Variants in PHLPP2 observed in about 807,000 individuals in gnomAD.
PHLPP2 encodes the protein PH domain and leucine rich repeat protein phosphatase 2, also known as PH domain leucine-rich repeat-containing protein phosphatase 2.
PHLPP2 carries 66 observed loss-of-function variants against 124.9 expected under a neutral mutation model. The ratio of observed to expected loss-of-function variants is 0.53; its 90% CI spans 0.43 to 0.65. The LOEUF (loss-of-function observed/expected upper bound fraction) is 0.65. Ranked by LOEUF, PHLPP2 falls within the 30% of genes least tolerant of loss-of-function variation. The pLI is 0.00. For synonymous variants in PHLPP2, 681 were observed against 624.7 expected, an observed-to-expected ratio of 1.09 and a Z score of -1.34; for missense variants, 1,685 against 1,600.4, an observed-to-expected ratio of 1.05 and a Z score of -0.90.
At chr16:71,658,508 G>C (rs2044760586) in intron 14 of PHLPP2, 145 bp from the exon 15 acceptor site, 1 of 1,166,924 alleles carries the variant, frequency 8.6e-7, no homozygotes, top group East Asian at 2.4e-5. Flanking sequence ...TCCCAAACTG[G>C]AGCACATAAG....
intron 1 of PHLPP2, among the ~76,000 whole-genome samples, chr16:71,715,896 T>C (rs9924829): frequency 0.037 from 5,546 of 149,124 alleles, 350 homozygotes; most frequent in African/African-American, 0.13. Context: ...CTTGGGAGGC[T>C]GAGGTAGGAG....
chr16:71,687,342 G>C (rs566193705), intron 4 of PHLPP2, among the ~76,000 whole-genome samples: 1 of 152,054 alleles, frequency 6.6e-6, no homozygotes, highest in Non-Finnish European at 1.5e-5. Flanking sequence ...TCATATAAAT[G>C]TCTCATATGC....
At chr16:71,714,267 T>C (rs1388419563) in intron 2 of PHLPP2, among the ~76,000 whole-genome samples, 1 of 152,162 alleles carries the variant, frequency 6.6e-6, no homozygotes, top group Non-Finnish European at 1.5e-5. Flanking sequence ...AAAATACTTA[T>C]TTTTAAATTT....
chr16:71,651,665 T>C (rs1375249472), intron 18 of PHLPP2, among the ~76,000 whole-genome samples: 2 of 152,208 alleles, frequency 1.3e-5, no homozygotes, highest in Non-Finnish European at 2.9e-5. Flanking sequence ...CACATAAAAA[T>C]GATGGTTTTT....
At chr16:71,677,483 T>C (rs2044957770) in intron 8 of PHLPP2, 1 of 96,870 alleles carries the variant, frequency 1.0e-5, no homozygotes, top group Non-Finnish European at 2.3e-5. Context: ...TATATATATA[T>C]ATATATATAT....
intron 17 of PHLPP2, among the ~76,000 whole-genome samples, chr16:71,654,152 A>G (rs4788823): frequency 0.85 from 127,125 of 148,922 alleles, 54,399 homozygotes; most frequent in East Asian, 0.99. Flanking sequence ...CCGAGATTGC[A>G]CTACTGCACT....
chr16:71,713,167 T>G (rs935586118), intron 2 of PHLPP2, among the ~76,000 whole-genome samples: 3 of 152,176 alleles, frequency 2.0e-5, no homozygotes, highest in African/African-American at 7.2e-5. Flanking sequence ...TCCTCTCACA[T>G]TTGCAGAAAT....
intron 2 of PHLPP2, among the ~76,000 whole-genome samples, chr16:71,704,321 A>AAC (rs1285234262): frequency 6.6e-6 from 1 of 151,086 alleles, no homozygotes; most frequent in African/African-American, 2.4e-5. Context: ...AAAAAAAAAA[A>AAC]AAAACTTAAT....
chr16:71,719,514 T>C (rs2045384105), intron 1 of PHLPP2, among the ~76,000 whole-genome samples: 1 of 152,194 alleles, frequency 6.6e-6, no homozygotes, highest in African/African-American at 2.4e-5. Context: ...TACTCCAGCG[T>C]GGGCTACACA....
chr16:71,692,199 A>T (rs1037518079), intron 3 of PHLPP2, among the ~76,000 whole-genome samples: 7 of 151,918 alleles, frequency 4.6e-5, no homozygotes, highest in African/African-American at 1.7e-4. Context: ...CCTCCCGAGT[A>T]GCTGGGACTA....
At position 71,649,067 on chromosome 16, in the gene PHLPP2, T is replaced by A. The variant is rs771069592; in HGVS notation, c.3795A>T (p.Lys1265Asn). 3.7e-5 allele frequency: 59 copies of A among 1,614,014 alleles called. No homozygotes were observed. Among genetic ancestry groups the A allele is most frequent in the Non-Finnish European group, 4.7e-5 (55 of 1,180,022 alleles). The change falls in exon 19 of 19, where the codon AAA (lysine) becomes AAT (asparagine). Residue 1265 changes from lysine to asparagine, a missense_variant. Transcript: ENST00000568954. ...GAGTGGGGGCAGCAAAATAGCCAGT[T>A]TTCCTCTTGGGCACTTCTGTGGCCA... Reference protein sequence around the residue: ...IEVATEVPKRKTGYFAAPTQM... With the variant: ...IEVATEVPKRNTGYFAAPTQM...
Position 71,646,396 on chromosome 16 carries a change from A to G in PHLPP2, c.*2494T>C, listed in dbSNP as rs1293042315. On this transcript the variant is annotated 3_prime_UTR_variant, in exon 19 of 19. Transcript: ENST00000568954. ...TTCCTGAAAAAAAATTCTACCACAC[A>G]GAACAACATTTGGAATTACAGAGTT... The G allele has an allele frequency of 6.6e-6, 1 of 152,228 alleles. No homozygotes were observed. The highest frequency in any genetic ancestry group is 1.9e-4 in the East Asian group (1 of 5,204). 9.4% of individuals were successfully genotyped at this position (152,228 alleles called of 1,614,324 possible).
intron 3 of PHLPP2, among the ~76,000 whole-genome samples, chr16:71,694,265 C>G (rs902136538): frequency 2.0e-5 from 3 of 151,248 alleles, no homozygotes; most frequent in Admixed American, 2.0e-4. Context: ...AGTTTGAGAC[C>G]AGCGTGACCA....
At chr16:71,723,887 G>A in intron 1 of PHLPP2, 3 of 1,029,756 alleles carry the variant, frequency 2.9e-6, no homozygotes, top group Admixed American at 9.8e-5. Flanking sequence ...AGGATTCACA[G>A]AGACGCCCGG....
At position 71,690,564 on chromosome 16, in the gene PHLPP2, A is replaced by G; in HGVS notation, c.564T>C (p.Asp188=). 4 of 1,613,132 alleles carry G rather than the reference A, an allele frequency of 2.5e-6. No individual in the cohort carries two copies. The highest frequency in any genetic ancestry group is 2.2e-5 in the South Asian group (2 of 90,830). The part of the protein sequence containing the change: ...GTCLIVSSVK[D]CQTGKMHILP... ...AAATGTGCATCTTTCCAGTTTGACA[A>G]TCCTTCACTGAGGAAACGATAAGGC... The change falls in exon 4 of 19, where the codon GAT becomes GAC. Residue 188 remains aspartate, a synonymous_variant. Transcript: ENST00000568954.
At chr16:71,682,982 C>A (rs145124508) in intron 5 of PHLPP2, among the ~76,000 whole-genome samples, 2 of 152,006 alleles carry the variant, frequency 1.3e-5, no homozygotes, top group African/African-American at 2.4e-5. Context: ...ACCAGCCTGG[C>A]CAACATGGTG....
chr16:71,723,926 G>GGCGC (rs1053534779), intron 1 of PHLPP2: 7 of 669,800 alleles, frequency 1.0e-5, no homozygotes, highest in East Asian at 7.8e-5. Context: ...GAGCCTCGGC[G>GGCGC]GCGCGCGCGA....
At chr16:71,677,539 T>G (rs2044958973) in intron 8 of PHLPP2, 1 of 150,290 alleles carries the variant, frequency 6.7e-6, no homozygotes, top group African/African-American at 2.4e-5. Flanking sequence ...CTGGGTTTTT[T>G]CTACACAGGT....
chr16:71,694,848 G>A (rs545165943), intron 3 of PHLPP2, among the ~76,000 whole-genome samples: 179 of 151,862 alleles, frequency 1.2e-3, no homozygotes, highest in African/African-American at 4.1e-3. Context: ...GCAGTGGCTC[G>A]ATCTTGGCTC....
Sources: allele counts gnomAD v4.1 joint callset (sites outside exome capture counted in the v4.1 genomes callset), GRCh38; gene constraint gnomAD v4.1.1; transcripts MANE v1.5; gene names NCBI Gene and HGNC (gene_info 2026-07-23, HGNC 2026-07-21).